The following SEPHS1 variants were observed in gnomAD, a reference collection of about 807,000 sequenced individuals.
SEPHS1 encodes zincore component SEPHS1.
In SEPHS1, 7 loss-of-function variants were observed where a neutral mutation model predicts 39.2. That is an observed-to-expected ratio of 0.18 (90% CI 0.10 to 0.34). The LOEUF (loss-of-function observed/expected upper bound fraction) is 0.34, where lower values mean the gene tolerates loss of function less well. Ranked by LOEUF, SEPHS1 falls within the 10% of genes least tolerant of loss-of-function variation. SEPHS1 has a pLI of 1.00. For synonymous variants in SEPHS1, 190 were observed against 195.5 expected, an observed-to-expected ratio of 0.97 and a Z score of 0.23; for missense variants, 253 against 514.5, an observed-to-expected ratio of 0.49 and a Z score of 4.92.
intron 5 of SEPHS1, among the ~76,000 whole-genome samples, chr10:13,333,465 G>A (rs576763557): frequency 6.8e-6 from 1 of 146,796 alleles, no homozygotes; most frequent in African/African-American, 2.5e-5. Context: ...TTTGGAGACA[G>A]AATCTTGTTC....
intron 4 of SEPHS1, among the ~76,000 whole-genome samples, chr10:13,335,729 C>T (rs1337190600): frequency 6.6e-6 from 1 of 151,710 alleles, no homozygotes. Flanking sequence ...CCTGCAATCC[C>T]AGCACTTTGG....
chr10:13,342,031 G>A (rs1440242821), intron 2 of SEPHS1, among the ~76,000 whole-genome samples: 2 of 151,008 alleles, frequency 1.3e-5, no homozygotes, highest in East Asian at 3.9e-4. Context: ...TGTAATCCCA[G>A]CACTTTGGGA....
At chr10:13,343,388 G>C (rs913498449) in intron 2 of SEPHS1, among the ~76,000 whole-genome samples, 1 of 152,084 alleles carries the variant, frequency 6.6e-6, no homozygotes, top group Non-Finnish European at 1.5e-5. Context: ...GGTCACCAGC[G>C]ACTGGGGTGT....
chr10:13,332,990 G>A (rs1833515901), intron 5 of SEPHS1, among the ~76,000 whole-genome samples: 2 of 152,140 alleles, frequency 1.3e-5, no homozygotes, highest in Admixed American at 1.3e-4. Flanking sequence ...AGTGAGAGCC[G>A]AGGAGGATGG....
chr10:13,319,503 T>A (rs1833038944), intron 8 of SEPHS1, 147 bp from the exon 9 acceptor site: 1 of 754,486 alleles, frequency 1.3e-6, no homozygotes, highest in East Asian at 2.6e-5. Context: ...AGCAGCTTTT[T>A]TTTGAGACAG....
intron 2 of SEPHS1, among the ~76,000 whole-genome samples, chr10:13,342,072 G>T (rs903128096): frequency 6.6e-6 from 1 of 151,592 alleles, no homozygotes; most frequent in African/African-American, 2.4e-5. Flanking sequence ...GAGGTCAGGA[G>T]ATCGAGACCA....
intron 2 of SEPHS1, among the ~76,000 whole-genome samples, chr10:13,343,551 C>T (rs541232767): frequency 6.6e-6 from 1 of 152,276 alleles, no homozygotes; most frequent in South Asian, 2.1e-4. Flanking sequence ...TGGTGGCTTA[C>T]ACCTGTAATC....
chr10:13,320,381 C>T (rs571187190), intron 8 of SEPHS1, among the ~76,000 whole-genome samples: 3 of 151,928 alleles, frequency 2.0e-5, no homozygotes, highest in East Asian at 3.9e-4. Context: ...CAGGGTTTCA[C>T]CGTGTTAGCC....
At position 13,319,128 on chromosome 10, in the gene SEPHS1, T is replaced by G. The variant is rs1833026601; in HGVS notation, c.*14A>C. On this transcript the variant is annotated 3_prime_UTR_variant, in exon 9 of 9. Coordinates refer to ENST00000327347, the MANE Select transcript of SEPHS1 (RefSeq NM_012247.5). Reference sequence around the variant, plus strand: ...CTATTTAAAAACAAAACCAAACAGCTATTTCTGTCTAGATTAAGAGGTGGC... The same window carrying G: ...CTATTTAAAAACAAAACCAAACAGCGATTTCTGTCTAGATTAAGAGGTGGC... 6.2e-7 allele frequency: 1 copy of G among 1,608,736 alleles called. No individual in the cohort carries two copies. Among genetic ancestry groups the G allele is most frequent in the Admixed American group, 1.7e-5 (1 of 58,942 alleles).
At chr10:13,334,911 T>G (rs528777769) in intron 4 of SEPHS1, among the ~76,000 whole-genome samples, 1 of 152,150 alleles carries the variant, frequency 6.6e-6, no homozygotes, top group Admixed American at 6.5e-5. Context: ...AAGACTGGCT[T>G]CCTAAGCACA....
At chr10:13,331,299 G>A (rs1833461409) in intron 5 of SEPHS1, among the ~76,000 whole-genome samples, 1 of 152,216 alleles carries the variant, frequency 6.6e-6, no homozygotes, top group African/African-American at 2.4e-5. Flanking sequence ...AAACATATGT[G>A]TGCATGCGTC....
intron 2 of SEPHS1, among the ~76,000 whole-genome samples, chr10:13,340,277 A>G (rs1833747860): frequency 6.6e-6 from 1 of 151,932 alleles, no homozygotes; most frequent in East Asian, 1.9e-4. Flanking sequence ...ACTAGATAAC[A>G]AAGCAGAAAC....
At chr10:13,346,188 C>T (rs1386846435) in intron 1 of SEPHS1, among the ~76,000 whole-genome samples, 2 of 152,210 alleles carry the variant, frequency 1.3e-5, no homozygotes, top group African/African-American at 2.4e-5. Context: ...CGTTAGGTTT[C>T]TGGAACAAGC....
chr10:13,340,267 A>G (rs954180685), intron 2 of SEPHS1, among the ~76,000 whole-genome samples: 2 of 151,828 alleles, frequency 1.3e-5, no homozygotes, highest in African/African-American at 4.8e-5. Context: ...TTTTTATCAC[A>G]CTAGATAACA....
At chr10:13,338,106 A>G (rs1009406612) in intron 3 of SEPHS1, among the ~76,000 whole-genome samples, 4 of 152,212 alleles carry the variant, frequency 2.6e-5, no homozygotes, top group African/African-American at 4.8e-5. Context: ...AACACACCTC[A>G]GCAGTGTATC....
In SEPHS1 at chr10:13,323,089, C is replaced by T. The variant is rs199635634; in HGVS notation, c.752-42G>A. 1.6e-5 allele frequency: 25 copies of T among 1,540,032 alleles called. No homozygotes were observed. The African/African-American group carries it at 2.6e-4, about 16-fold the overall frequency. ...GCGGCTCTGAGAAAAAACACCTTTC[C>T]TCAACTCAAAAATCTTACGTCCACA... On this transcript the variant is annotated intron_variant, in intron 7 of 8. Coordinates refer to ENST00000327347, the MANE Select transcript of SEPHS1 (RefSeq NM_012247.5).
At position 13,338,979 on chromosome 10, in the gene SEPHS1, A is replaced by G. The variant is rs1833716043; in HGVS notation, c.194-171T>C. 1.8e-5 allele frequency: 11 copies of G among 618,694 alleles called. No homozygotes were observed. The East Asian group carries it at 2.2e-4, about 12-fold the overall frequency. 38.3% of individuals were successfully genotyped at this position (618,694 alleles called of 1,614,324 possible). A position where few individuals can be genotyped will look rare whatever the true frequency, so the allele number is the denominator to read the frequency against. On this transcript the variant is annotated intron_variant, in intron 2 of 8. Transcript: ENST00000327347. ...AGCGTAACTGAAATAAACGTGAAAC[A>G]TATCCAGCTTAGGATGGAAAATACC...
intron 5 of SEPHS1, among the ~76,000 whole-genome samples, chr10:13,332,184 C>T (rs1340063703): frequency 6.6e-6 from 1 of 152,228 alleles, no homozygotes; most frequent in Non-Finnish European, 1.5e-5. Context: ...ATGGATTATA[C>T]AGCCATGGAA....
intron 3 of SEPHS1, among the ~76,000 whole-genome samples, chr10:13,337,804 TC>T (rs1337127434): frequency 6.6e-6 from 1 of 152,132 alleles, no homozygotes; most frequent in Non-Finnish European, 1.5e-5. Flanking sequence ...AGAGTATTGC[TC>T]CAGAGGAGAA....
Sources: allele counts gnomAD v4.1 joint callset (sites outside exome capture counted in the v4.1 genomes callset), GRCh38; gene constraint gnomAD v4.1.1; transcripts MANE v1.5; gene names NCBI Gene and HGNC (gene_info 2026-07-23, HGNC 2026-07-21).